Variants in POFUT1 observed in about 807,000 individuals in gnomAD.
The protein encoded by POFUT1 is GDP-fucose protein O-fucosyltransferase 1.
POFUT1 carries 16 observed loss-of-function variants against 42.4 expected under a neutral mutation model. The observed-to-expected ratio is 0.38, with a 90% CI of 0.26 to 0.57. POFUT1 has a LOEUF of 0.57. POFUT1 is among the 20% of genes least tolerant of loss of function. The pLI is 0.71. For synonymous variants in POFUT1, 206 were observed against 205.4 expected (o/e 1.00, Z -0.03); for missense variants, 470 against 504.6 (o/e 0.93, Z 0.66).
chr20:32,215,472 G>A (rs2047355199), intron 3 of POFUT1, 21 bp downstream of exon 3: 2 of 1,592,006 alleles, frequency 1.3e-6, no homozygotes, highest in Non-Finnish European at 1.7e-6. Flanking sequence ...TGGGTTCGGG[G>A]GCCCTTTCTT....
intron 2 of POFUT1, among the ~76,000 whole-genome samples, chr20:32,211,544 A>G (rs574864849): frequency 1.3e-5 from 2 of 152,184 alleles, no homozygotes; most frequent in Non-Finnish European, 2.9e-5. Context: ...TGCTGGGATT[A>G]TAGGCATAAG....
chr20:32,225,231 C>T (rs2047408752), intron 4 of POFUT1, among the ~76,000 whole-genome samples: 1 of 151,796 alleles, frequency 6.6e-6, no homozygotes, highest in South Asian at 2.1e-4. Flanking sequence ...GCTCTGTTGC[C>T]CAGGCTGGAG....
chr20:32,221,638 T>A (rs1354671492), intron 4 of POFUT1, among the ~76,000 whole-genome samples: 3 of 151,484 alleles, frequency 2.0e-5, no homozygotes, highest in African/African-American at 7.3e-5. Flanking sequence ...CAGGTGAGCC[T>A]GAGGAAGTCA....
intron 4 of POFUT1, among the ~76,000 whole-genome samples, chr20:32,226,389 T>G (rs1419376896): frequency 6.6e-6 from 1 of 152,110 alleles, no homozygotes; most frequent in Non-Finnish European, 1.5e-5. Context: ...ATATTGACAT[T>G]GATACAATTT....
intron 4 of POFUT1, 147 bp downstream of exon 4, chr20:32,216,868 T>G: frequency 6.7e-7 from 1 of 1,484,902 alleles, no homozygotes; most frequent in African/African-American, 1.4e-5. Context: ...CTTGGAATCC[T>G]GTGTGATCTG....
rs1398479119 is a variant in POFUT1, at chr20:32,230,886, T to C, written c.803T>C (p.Val268Ala). 1 of 1,614,060 alleles carries C rather than the reference T, an allele frequency of 6.2e-7. No individual in the cohort carries two copies. The highest frequency in any genetic ancestry group is 1.3e-5 in the African/African-American group (1 of 74,934). Residue 268 changes from valine to alanine, a missense_variant, in exon 6 of 7, where the codon GTG becomes GCG. Physicochemically the swap from Val to Ala is moderately conservative, Grantham distance 64 (BLOSUM62 0). Transcript: ENST00000375749. ...GSHFMASPQCVGYSRSTAAPL... is the reference protein window; with the variant it reads ...GSHFMASPQCAGYSRSTAAPL... The stretch of plus-strand genomic sequence containing the variant: ...CACTTCATGGCCTCTCCGCAGTGTG[T>C]GGGCTACAGCCGCAGCACAGCGGCC...
chr20:32,209,071 C>T (rs1427954792), intron 1 of POFUT1, among the ~76,000 whole-genome samples: 1 of 152,174 alleles, frequency 6.6e-6, no homozygotes, highest in Admixed American at 6.5e-5. Flanking sequence ...ATGATGTGGC[C>T]TCCACTGGCC....
intron 4 of POFUT1, chr20:32,217,211 G>T (rs1448722000): frequency 2.8e-6 from 4 of 1,427,920 alleles, no homozygotes; most frequent in Non-Finnish European, 3.7e-6. Flanking sequence ...CATTTATAGG[G>T]CGCCTGTCAC....
chr20:32,215,910 A>G (rs181988724), intron 3 of POFUT1, among the ~76,000 whole-genome samples: 1 of 152,354 alleles, frequency 6.6e-6, no homozygotes, highest in Admixed American at 6.5e-5. Flanking sequence ...TGGCACAGAG[A>G]GGGTCAGTGT....
In POFUT1 at chr20:32,235,975, C is replaced by T. The variant is rs573612814; in HGVS notation, c.*1314C>T. 1 of 152,358 alleles carries T rather than the reference C, an allele frequency of 6.6e-6. No individual in the cohort carries two copies. Among genetic ancestry groups the T allele is most frequent in the East Asian group, 1.9e-4 (1 of 5,186 alleles). The allele number at this position is 152,358 out of a possible 1,614,324, so 9.4% of individuals were successfully genotyped here. ...TTTTTTTGTCAGGGGCAGCCTGGTT[C>T]AGAGCTCAGAGGTCACACTGTATCA... On this transcript the variant is annotated 3_prime_UTR_variant, in exon 7 of 7. Transcript: ENST00000375749.
At chr20:32,215,541 A>G (rs1318961899) in intron 3 of POFUT1, 90 bp downstream of exon 3, 3 of 1,096,682 alleles carry the variant, frequency 2.7e-6, no homozygotes, top group African/African-American at 3.1e-5. Context: ...GGGGAAAAGC[A>G]CCAGAAGGAC....
At chr20:32,223,908 G>C (rs1284752019) in intron 4 of POFUT1, among the ~76,000 whole-genome samples, 3 of 152,132 alleles carry the variant, frequency 2.0e-5, no homozygotes, top group Admixed American at 1.3e-4. Flanking sequence ...ATTCCTAGCT[G>C]TGCAACCTTG....
At chr20:32,215,138 C>T (rs1474519992) in intron 2 of POFUT1, 131 bp from the exon 3 acceptor site, 3 of 619,188 alleles carry the variant, frequency 4.8e-6, no homozygotes, top group Non-Finnish European at 8.3e-6. Context: ...ATCCGCCCGC[C>T]TTATCCTCCC....
In POFUT1 at chr20:32,215,286, G is replaced by C. The variant is rs768555228; in HGVS notation, c.264G>C (p.Gln88His). The C allele has an allele frequency of 1.2e-6, 2 of 1,612,368 alleles. No individual in the cohort carries two copies. Among genetic ancestry groups the C allele is most frequent in the South Asian group, 2.2e-5 (2 of 91,048 alleles). The change falls in exon 3 of 7, where the codon CAG (glutamine) becomes CAC (histidine). Residue 88 changes from glutamine to histidine, a missense_variant. By Grantham distance (24) the Gln-to-His change is conservative. Coordinates refer to ENST00000375749, the MANE Select transcript of POFUT1 (RefSeq NM_015352.2). The stretch of plus-strand genomic sequence containing the variant: ...TCCTGTAGCTCCATGTGTCCTACCA[G>C]AAGTACTTCAAGCTGGAGCCCCTCC... ...PPFTNLHVSY[Q>H]KYFKLEPLQA...
intron 4 of POFUT1, among the ~76,000 whole-genome samples, chr20:32,225,342 G>A (rs6057540): frequency 6.6e-6 from 1 of 151,718 alleles, no homozygotes; most frequent in Non-Finnish European, 1.5e-5. Flanking sequence ...TGCCCACCAC[G>A]ACGTGTGGCT....
intron 4 of POFUT1, chr20:32,216,933 A>G: frequency 1.3e-6 from 2 of 1,594,586 alleles, no homozygotes; most frequent in Non-Finnish European, 1.7e-6. Context: ...AGATTGAGAA[A>G]GAGTTCATCG....
chr20:32,233,818 C>A (rs1600395860), intron 6 of POFUT1, among the ~76,000 whole-genome samples: 1 of 152,116 alleles, frequency 6.6e-6, no homozygotes, highest in East Asian at 1.9e-4. Context: ...CTCTCTGTTC[C>A]CCTCTCTGGT....
intron 2 of POFUT1, among the ~76,000 whole-genome samples, chr20:32,214,867 G>A (rs1419745682): frequency 6.6e-6 from 1 of 152,096 alleles, no homozygotes; most frequent in Non-Finnish European, 1.5e-5. Flanking sequence ...CATGTAGTCT[G>A]AACTGTCTTG....
At chr20:32,216,966 A>G (rs747649216) in intron 4 of POFUT1, 7 of 1,609,246 alleles carry the variant, frequency 4.3e-6, no homozygotes, top group Admixed American at 1.7e-5. Flanking sequence ...TGTCATAAAA[A>G]GAACATTCTG....
Sources: allele counts gnomAD v4.1 joint callset (sites outside exome capture counted in the v4.1 genomes callset), GRCh38; gene constraint gnomAD v4.1.1; transcripts MANE v1.5; gene names NCBI Gene and HGNC (gene_info 2026-07-23, HGNC 2026-07-21).